Variants in ITPK1 observed in about 807,000 individuals in gnomAD.
ITPK1 encodes inositol-tetrakisphosphate 1-kinase.
A neutral mutation model predicts 45.3 loss-of-function variants in ITPK1; 21 were observed. The ratio of observed to expected loss-of-function variants is 0.46; its 90% CI spans 0.33 to 0.67. ITPK1 has a LOEUF of 0.67. Ranked by LOEUF, ITPK1 falls within the 30% of genes least tolerant of loss-of-function variation. ITPK1 has a pLI of 0.02. For missense variants in ITPK1, 474 were observed against 573.5 expected (o/e 0.83, Z 1.77); for synonymous variants, 258 against 253.6 (o/e 1.02, Z -0.16).
intron 2 of ITPK1, among the ~76,000 whole-genome samples, chr14:93,108,941 A>C (rs1892632318): frequency 6.6e-6 from 1 of 152,206 alleles, no homozygotes; most frequent in African/African-American, 2.4e-5. Flanking sequence ...TGAACCCAGG[A>C]GGCGGAGGTT....
At chr14:93,064,986 GGGGGTCATGGGGCTAGGGTCA>G (rs2139959342) in intron 3 of ITPK1, among the ~76,000 whole-genome samples, 1 of 152,274 alleles carries the variant, frequency 6.6e-6, no homozygotes, top group South Asian at 2.1e-4. Flanking sequence ...TAGCACGGGA[GGGGGTCATGGGGCTAGGGTCA>G]GGGGTCAGCA....
In ITPK1 at chr14:92,958,313, C is replaced by A. The variant is rs141640090; in HGVS notation, c.558G>T (p.Val186=). 448 of 1,614,216 alleles carry A rather than the reference C, an allele frequency of 2.8e-4. 3 individuals carry two copies. The highest frequency in any genetic ancestry group is 4.9e-4 in the Middle Eastern group (3 of 6,062). The change falls in exon 8 of 11, where the codon GTG becomes GTT. Residue 186 remains valine, a synonymous_variant. Transcript: ENST00000267615. The surrounding 1 kb of genome is among the most constrained non-coding windows in gnomAD (Gnocchi z 4.4). The part of the protein sequence containing the change: ...EGLNAIQPPC[V]VQNFINHNAV... ...CGTTGTGGTTGATGAAATTCTGGAC[C>A]ACGCAGGGTGGCTGGATGGCGTTCA...
At chr14:92,991,642 C>A (rs989195111) in intron 5 of ITPK1, among the ~76,000 whole-genome samples, 1 of 152,102 alleles carries the variant, frequency 6.6e-6, no homozygotes, top group African/African-American at 2.4e-5. Context: ...CCAAGCCAGG[C>A]GAGCGGGCAA....
intron 2 of ITPK1, among the ~76,000 whole-genome samples, chr14:93,078,277 C>T (rs916373642): frequency 6.6e-6 from 1 of 152,164 alleles, no homozygotes; most frequent in Admixed American, 6.5e-5. Context: ...ACAGCTGAGG[C>T]GCCGCCCACC....
intron 3 of ITPK1, among the ~76,000 whole-genome samples, chr14:93,023,035 G>A (rs746349722): frequency 6.6e-6 from 1 of 151,878 alleles, no homozygotes; most frequent in Non-Finnish European, 1.5e-5. Context: ...TTCTGTTTTT[G>A]CTTGTTTGTT....
At position 93,016,563 on chromosome 14, in the gene ITPK1, A is replaced by T; in HGVS notation, c.246+113T>A. 8.1e-7 allele frequency: 1 copy of T among 1,235,296 alleles called. No homozygotes were observed. The highest frequency in any genetic ancestry group is 1.1e-6 in the Non-Finnish European group (1 of 878,144). 76.5% of individuals were successfully genotyped at this position (1,235,296 alleles called of 1,614,324 possible). A position where few individuals can be genotyped will look rare whatever the true frequency, so the allele number is the denominator to read the frequency against. Reference sequence around the variant, plus strand: ...TTGCCAGTGGCAGAGCCATTTCTCCAGACTATACCTCCAGAGAGCTGCTAC... The same window carrying T: ...TTGCCAGTGGCAGAGCCATTTCTCCTGACTATACCTCCAGAGAGCTGCTAC... On this transcript the variant is annotated intron_variant, in intron 4 of 10. Coordinates refer to ENST00000267615, the MANE Select transcript of ITPK1 (RefSeq NM_014216.6). This position sits in a 1 kb window ranked among gnomAD's most constrained non-coding sequence, Gnocchi z 5.0.
intron 7 of ITPK1, among the ~76,000 whole-genome samples, chr14:92,961,413 T>TC (rs1419227854): frequency 2.6e-5 from 4 of 152,240 alleles, no homozygotes; most frequent in African/African-American, 7.2e-5. Flanking sequence ...TCCATGGTCC[T>TC]CAAGGTGGCC....
chr14:93,105,764 C>T (rs1487712993), intron 2 of ITPK1, among the ~76,000 whole-genome samples: 2 of 148,066 alleles, frequency 1.4e-5, no homozygotes, highest in South Asian at 2.1e-4. Flanking sequence ...AGTACAGTGG[C>T]GCGATCTCGG....
intron 2 of ITPK1, among the ~76,000 whole-genome samples, chr14:93,112,570 G>C (rs1489801846): frequency 6.6e-6 from 1 of 151,506 alleles, no homozygotes; most frequent in South Asian, 2.1e-4. Flanking sequence ...CTCCTGAGTA[G>C]CTGGGACTAC....
chr14:93,020,710 C>T (rs933572980), intron 3 of ITPK1, among the ~76,000 whole-genome samples: 16 of 152,174 alleles, frequency 1.1e-4, no homozygotes, highest in Non-Finnish European at 2.1e-4. Flanking sequence ...ATCTTTCTGA[C>T]CCAATTCCTC....
chr14:93,089,318 G>T (rs551751412), intron 2 of ITPK1, among the ~76,000 whole-genome samples: 1 of 152,168 alleles, frequency 6.6e-6, no homozygotes, highest in African/African-American at 2.4e-5. Context: ...GAAGCCGGGG[G>T]AGCCAGCACC....
chr14:92,965,749 A>C (rs1885313627), intron 5 of ITPK1, among the ~76,000 whole-genome samples: 3 of 152,230 alleles, frequency 2.0e-5, no homozygotes, highest in Admixed American at 2.0e-4. Flanking sequence ...CACGCCTGTA[A>C]TCCCAGCACT....
chr14:93,082,860 G>A (rs1340821005), intron 2 of ITPK1, among the ~76,000 whole-genome samples: 2 of 152,232 alleles, frequency 1.3e-5, no homozygotes, highest in African/African-American at 4.8e-5. Flanking sequence ...CCAACCAGGA[G>A]AAAGGGCCAA....
At chr14:92,983,365 G>GGA (rs1686170273) in intron 5 of ITPK1, among the ~76,000 whole-genome samples, 1 of 152,114 alleles carries the variant, frequency 6.6e-6, no homozygotes, top group Admixed American at 6.5e-5. Flanking sequence ...GGCTCTTTCT[G>GGA]GTAGTACCTA....
In ITPK1 at chr14:92,980,245, A is replaced by C. The variant is rs563361200; in HGVS notation, c.364+13635T>G. ...CTGTCAGTTGCCAGAACAAGTCCAG[A>C]GAAAACACAAAGAGAACACCACCCA... On this transcript the variant is annotated intron_variant, in intron 5 of 10. Coordinates refer to ENST00000267615, the MANE Select transcript of ITPK1 (RefSeq NM_014216.6). 3.3e-5 allele frequency among the ~76,000 whole-genome samples: 5 copies of C among 152,340 alleles called. No homozygotes were observed. In the South Asian group the frequency reaches 1.0e-3, roughly 32 times the overall value.
chr14:93,113,503 T>C (rs955634379), intron 2 of ITPK1, among the ~76,000 whole-genome samples: 1 of 152,208 alleles, frequency 6.6e-6, no homozygotes, highest in African/African-American at 2.4e-5. Context: ...AAGTCTTACA[T>C]GACTGCAGGG....
At chr14:93,050,666 G>C (rs530381420) in intron 3 of ITPK1, among the ~76,000 whole-genome samples, 1 of 152,208 alleles carries the variant, frequency 6.6e-6, no homozygotes, top group South Asian at 2.1e-4. Context: ...TCCAAGCCCT[G>C]GATGTGAGGG....
At chr14:93,113,121 G>A (rs904656277) in intron 2 of ITPK1, among the ~76,000 whole-genome samples, 1 of 152,212 alleles carries the variant, frequency 6.6e-6, no homozygotes, top group Non-Finnish European at 1.5e-5. Context: ...GGCTTCCTCG[G>A]GTTCTAGAAT....
At chr14:93,035,785 G>A (rs1889291509) in intron 3 of ITPK1, among the ~76,000 whole-genome samples, 1 of 152,202 alleles carries the variant, frequency 6.6e-6, no homozygotes, top group African/African-American at 2.4e-5. Flanking sequence ...GGTGGCAGAG[G>A]CAGGTTTCAA....
Sources: allele counts gnomAD v4.1 joint callset (sites outside exome capture counted in the v4.1 genomes callset), GRCh38; gene constraint gnomAD v4.1.1; non-coding constraint Gnocchi (gnomAD v3.1); transcripts MANE v1.5; gene names NCBI Gene and HGNC (gene_info 2026-07-23, HGNC 2026-07-21).